Variants in UBR4 observed in about 807,000 individuals in gnomAD.
UBR4 encodes the protein ubiquitin protein ligase E3 component n-recognin 4.
Under a neutral mutation model 575.6 loss-of-function variants are expected in UBR4, and 124 were observed. That is an observed-to-expected ratio of 0.22 (90% confidence interval 0.19 to 0.25). The LOEUF (loss-of-function observed/expected upper bound fraction) is 0.25, where lower values mean the gene tolerates loss of function less well. UBR4 is among the 10% of genes least tolerant of loss of function. The pLI is 1.00. For missense variants in UBR4, 4,818 were observed against 6,478.8 expected (o/e 0.74, Z 8.80); for synonymous variants, 2,455 against 2,473.7 (o/e 0.99, Z 0.22).
rs1570686726 is a variant in UBR4 at position 19,117,687 on chromosome 1, T to C, written c.10629+136A>G. On this transcript the variant is annotated intron_variant, in intron 72 of 105. Coordinates refer to ENST00000375254, the MANE Select transcript of UBR4 (RefSeq NM_020765.3). This position sits in a 1 kb window ranked among gnomAD's most constrained non-coding sequence, Gnocchi z 4.0. ...AAGTTTCTATTTAAGGTAATAAATG[T>C]GGCAGATAAAAATTCCTACTATCGG... is the stretch of plus-strand genomic sequence containing the variant. 6 of 927,744 alleles carry C rather than the reference T, an allele frequency of 6.5e-6. No homozygotes were observed. In the East Asian group the frequency reaches 9.7e-5, roughly 15 times the overall value. The allele number at this position is 927,744 out of a possible 1,614,324, so 57.5% of individuals were successfully genotyped here.
At chr1:19,209,129 G>GC (rs1368984827) in intron 1 of UBR4, among the ~76,000 whole-genome samples, 1 of 152,180 alleles carries the variant, frequency 6.6e-6, no homozygotes, top group East Asian at 1.9e-4. Flanking sequence ...GTAACAAATA[G>GC]CAATTTTTAA....
chr1:19,129,896 G>C (rs1163139818), intron 60 of UBR4, among the ~76,000 whole-genome samples: 3 of 151,896 alleles, frequency 2.0e-5, no homozygotes, highest in Non-Finnish European at 4.4e-5. Flanking sequence ...AATGGTCCTT[G>C]TCTCATTTTT....
chr1:19,188,993 A>G (rs2091818734), intron 11 of UBR4, among the ~76,000 whole-genome samples: 1 of 152,202 alleles, frequency 6.6e-6, no homozygotes, highest in African/African-American at 2.4e-5. Context: ...AAAAAATTAA[A>G]AAGAAAATGA....
At chr1:19,103,934 C>T (rs2078918969) in intron 87 of UBR4, 150 bp downstream of exon 87, 1 of 951,018 alleles carries the variant, frequency 1.1e-6, no homozygotes, top group Non-Finnish European at 1.5e-6. Flanking sequence ...AGAGCCAACA[C>T]TTTGTCAAGA....
At position 19,110,179 on chromosome 1, in the gene UBR4, C is replaced by T; in HGVS notation, c.12022G>A (p.Val4008Met). 1 of 1,614,178 alleles carries T rather than the reference C, an allele frequency of 6.2e-7. No individual in the cohort carries two copies. Among genetic ancestry groups the T allele is most frequent in the Non-Finnish European group, 8.5e-7 (1 of 1,180,020 alleles). ...CACATGAGGGTAATGTTTTCAACCA[C>T]CACAGGAGTCTTAATGTTCACAGCC... is the stretch of plus-strand genomic sequence containing the variant. ...LMAVNIKTPVVVENITLMCLR... is the reference protein window; with the variant it reads ...LMAVNIKTPVMVENITLMCLR... Residue 4008 changes from valine to methionine, a missense_variant, in exon 81 of 106, where the codon GTG becomes ATG. Coordinates refer to ENST00000375254, the MANE Select transcript of UBR4 (RefSeq NM_020765.3). The surrounding 1 kb of genome is among the most constrained non-coding windows in gnomAD (Gnocchi z 4.5).
intron 13 of UBR4, 88 bp downstream of exon 13, chr1:19,187,076 T>TTATATA (rs59833909): frequency 7.6e-5 from 56 of 733,318 alleles, no homozygotes; most frequent in South Asian, 3.1e-4. Context: ...CAAGAAAGTT[T>TTATATA]TATATATATA....
intron 39 of UBR4, 35 bp downstream of exon 39, chr1:19,160,076 A>G: frequency 1.3e-6 from 2 of 1,594,504 alleles, no homozygotes; most frequent in Admixed American, 1.7e-5. Context: ...GTTGGTTCCC[A>G]CAGCCACCAA....
chr1:19,161,390 C>T (rs1454453045), intron 37 of UBR4, among the ~76,000 whole-genome samples, 199 bp downstream of exon 37: 1 of 152,178 alleles, frequency 6.6e-6, no homozygotes, highest in Non-Finnish European at 1.5e-5. Flanking sequence ...AAACGAACTA[C>T]AAGATCTCTA....
At chr1:19,201,414 C>T (rs1022529937) in intron 2 of UBR4, among the ~76,000 whole-genome samples, 2 of 152,176 alleles carry the variant, frequency 1.3e-5, no homozygotes, top group East Asian at 3.8e-4. Context: ...GGGAAATTAA[C>T]ACACCAGTAA....
chr1:19,135,627 T>C (rs1570940095), intron 60 of UBR4, among the ~76,000 whole-genome samples: 1 of 152,224 alleles, frequency 6.6e-6, no homozygotes, highest in East Asian at 1.9e-4. Flanking sequence ...TGTTTTTTAA[T>C]GCTACTCAAA....
intron 85 of UBR4, 40 bp from the exon 86 acceptor site, chr1:19,104,706 C>A (rs1203114519): frequency 3.8e-6 from 6 of 1,586,792 alleles, no homozygotes; most frequent in African/African-American, 1.3e-5. Context: ...GATATCACTG[C>A]CAAGGATACC....
rs1013796855 is a variant in UBR4 at position 19,172,761 on chromosome 1, C to A, written c.3521+103G>T. Reference sequence around the variant, plus strand: ...AAAGCATTATACGTGGGGAAAAAAACCCCTAAGCTGAAGAAAGAGAAAAAT... The same window carrying A: ...AAAGCATTATACGTGGGGAAAAAAAACCCTAAGCTGAAGAAAGAGAAAAAT... On this transcript the variant is annotated intron_variant, in intron 25 of 105. Coordinates refer to ENST00000375254, the MANE Select transcript of UBR4 (RefSeq NM_020765.3). The A allele has an allele frequency of 1.4e-5, 17 of 1,216,828 alleles. 1 individual carries two copies. Among genetic ancestry groups the A allele is most frequent in the Middle Eastern group, 2.7e-4 (1 of 3,744 alleles). The allele number at this position is 1,216,828 out of a possible 1,614,324, so 75.4% of individuals were successfully genotyped here. A position where few individuals can be genotyped will look rare whatever the true frequency, so the allele number is the denominator to read the frequency against.
At chr1:19,091,131 T>C (rs939088367) in intron 97 of UBR4, among the ~76,000 whole-genome samples, 1 of 151,776 alleles carries the variant, frequency 6.6e-6, no homozygotes, top group Non-Finnish European at 1.5e-5. Flanking sequence ...GGAAATCAGC[T>C]GACTTTGAGT....
At position 19,117,859 on chromosome 1, in the gene UBR4, G is replaced by A. The variant is rs1261079804; in HGVS notation, c.10593C>T (p.Pro3531=). ...CTTCCGGGTTATTACACACCAGGCAGGGATCGCTCTCCAGGTAATAGCCAT... is the reference window on the plus strand; with the variant it reads ...CTTCCGGGTTATTACACACCAGGCAAGGATCGCTCTCCAGGTAATAGCCAT... ...EFDGYYLESD[P]CLVCNNPEVP... is the part of the protein sequence containing the mutation. Residue 3531 remains proline, a synonymous_variant, in exon 72 of 106, where the codon CCC becomes CCT. Transcript: ENST00000375254. This position sits in a 1 kb window ranked among gnomAD's most constrained non-coding sequence, Gnocchi z 4.0. 3 of 1,614,080 alleles carry A rather than the reference G, an allele frequency of 1.9e-6. No individual in the cohort carries two copies. The African/African-American group carries it at 4.0e-5, about 22-fold the overall frequency.
chr1:19,105,926 C>CTG, intron 83 of UBR4, 84 bp from the exon 84 acceptor site: 3 of 1,037,006 alleles, frequency 2.9e-6, no homozygotes, highest in Non-Finnish European at 4.1e-6. Flanking sequence ...CAACTGCCAC[C>CTG]CATCTAGGAG....
In UBR4 at chr1:19,197,281, G is replaced by T; in HGVS notation, c.894-16C>A. ...TGAATGAAAGCTGGAACATGACAGA[G>T]ATCAACAAGTGTCTCTTAGAATCAT... On this transcript the variant is annotated splice_polypyrimidine_tract_variant and intron_variant, in intron 7 of 105. Transcript: ENST00000375254. 6.2e-7 allele frequency: 1 copy of T among 1,613,992 alleles called. No individual in the cohort carries two copies. Among genetic ancestry groups the T allele is most frequent in the Non-Finnish European group, 8.5e-7 (1 of 1,179,910 alleles).
rs934399529 is a variant in UBR4, at chr1:19,093,761, T to C, written c.13937+188A>G. Among the ~76,000 whole-genome samples, 1 of 152,220 alleles carries C rather than the reference T, an allele frequency of 6.6e-6. No homozygotes were observed. Among genetic ancestry groups the C allele is most frequent in the Non-Finnish European group, 1.5e-5 (1 of 68,048 alleles). On this transcript the variant is annotated intron_variant, in intron 95 of 105. Transcript: ENST00000375254. This position sits in a 1 kb window ranked among gnomAD's most constrained non-coding sequence, Gnocchi z 4.8. The stretch of plus-strand genomic sequence containing the variant: ...CACCAACCACTTTGCCTTCTCTGAC[T>C]AGCCAATTGCTACTCTAATACAGTA...
chr1:19,126,644 G>A lies in UBR4; in HGVS notation c.9240C>T (p.Leu3080=). The A allele has an allele frequency of 6.2e-7, 1 of 1,613,584 alleles. No homozygotes were observed. The highest frequency in any genetic ancestry group is 8.5e-7 in the Non-Finnish European group (1 of 1,179,924). Residue 3080 remains leucine, a synonymous_variant, in exon 64 of 106, where the codon CTC becomes CTT. Coordinates refer to ENST00000375254, the MANE Select transcript of UBR4 (RefSeq NM_020765.3). Reference sequence around the variant, plus strand: ...GAGCTGCTGCTGTGGCACTGGAGATGAGGGAAGATGACTGGGAGACAGAGA... The same window carrying A: ...GAGCTGCTGCTGTGGCACTGGAGATAAGGGAAGATGACTGGGAGACAGAGA... The part of the protein sequence containing the change: ...SKSSICESSS[L]ISSATAAALL...
In UBR4 at chr1:19,177,581, C is replaced by T; in HGVS notation, c.2517G>A (p.Glu839=). Residue 839 remains glutamate, a synonymous_variant, in exon 19 of 106, where the codon GAG becomes GAA. Coordinates refer to ENST00000375254, the MANE Select transcript of UBR4 (RefSeq NM_020765.3). ...ILSLFVQIIQ[E]LSVNMDAQMR... is the part of the protein sequence containing the mutation. ...TCTGAGCATCCATGTTGACGCTCAA[C>T]TCCTGGATGATCTGGACAAAAAGCG... 1 of 1,613,974 alleles carries T rather than the reference C, an allele frequency of 6.2e-7. No homozygotes were observed. The highest frequency in any genetic ancestry group is 8.5e-7 in the Non-Finnish European group (1 of 1,180,006).
Sources: gnomAD v4.1 joint callset for allele counts (sites outside exome capture counted in the v4.1 genomes callset) on GRCh38, gnomAD v4.1.1 for gene constraint, Gnocchi (gnomAD v3.1) non-coding constraint, MANE v1.5 for transcripts, NCBI Gene and HGNC (gene_info 2026-07-23, HGNC 2026-07-21) for gene names.